The following ELMOD1 variants were observed in gnomAD, a reference collection of about 807,000 sequenced individuals.
ELMOD1 encodes ELMO domain containing 1.
A neutral mutation model predicts 46.7 loss-of-function variants in ELMOD1; 21 were observed. The observed-to-expected ratio is 0.45, with a 90% CI of 0.32 to 0.65. The LOEUF is 0.65. ELMOD1 is among the 30% of genes least tolerant of loss of function. ELMOD1 has a pLI of 0.04. For synonymous variants in ELMOD1, 122 were observed against 138.2 expected (o/e 0.88, Z 0.82); for missense variants, 348 against 407.8 (o/e 0.85, Z 1.26).
Position 107,665,142 on chromosome 11 carries a change from C to T in ELMOD1, c.950C>T (p.Pro317Leu), listed in dbSNP as rs1253988701. Residue 317 changes from proline to leucine, a missense_variant, in exon 12 of 12, where the codon CCA (proline) becomes CTA (leucine). Transcript: ENST00000265840. ...RKRIIKQLQNPDMALCPHFAA... is the reference protein window; with the variant it reads ...RKRIIKQLQNLDMALCPHFAA... ...AGGATCATCAAACAGCTGCAGAACCCAGACATGGCGCTGTGCCCACATTTT... is the reference window on the plus strand; with the variant it reads ...AGGATCATCAAACAGCTGCAGAACCTAGACATGGCGCTGTGCCCACATTTT... The T allele has an allele frequency of 1.9e-5, 30 of 1,613,962 alleles. No individual in the cohort carries two copies. The highest frequency in any genetic ancestry group is 2.5e-5 in the Non-Finnish European group (29 of 1,179,884).
At chr11:107,611,014 A>G (rs1053498178) in intron 1 of ELMOD1, among the ~76,000 whole-genome samples, 3 of 142,748 alleles carry the variant, frequency 2.1e-5, no homozygotes, top group Middle Eastern at 3.5e-3. Flanking sequence ...AAAAAAAAAA[A>G]AAAGAAAACC....
chr11:107,613,367 C>G (rs1031630132), intron 1 of ELMOD1, among the ~76,000 whole-genome samples: 1 of 152,186 alleles, frequency 6.6e-6, no homozygotes, highest in Non-Finnish European at 1.5e-5. Flanking sequence ...GGTCAAGCAA[C>G]TTGTCTAAAG....
chr11:107,634,410 T>C (rs898080384), intron 5 of ELMOD1, among the ~76,000 whole-genome samples: 1 of 152,074 alleles, frequency 6.6e-6, no homozygotes, highest in Non-Finnish European at 1.5e-5. Context: ...ATTCAAATAG[T>C]GTACATTCGG....
chr11:107,612,287 T>C (rs188110585), intron 1 of ELMOD1, among the ~76,000 whole-genome samples: 2 of 152,208 alleles, frequency 1.3e-5, no homozygotes, highest in African/African-American at 4.8e-5. Flanking sequence ...TTCTCACTTA[T>C]AGGTGGGAGC....
At chr11:107,654,522 C>G (rs1462238583) in intron 10 of ELMOD1, among the ~76,000 whole-genome samples, 1 of 152,174 alleles carries the variant, frequency 6.6e-6, no homozygotes, top group South Asian at 2.1e-4. Flanking sequence ...GTAATCCCAG[C>G]ACTTTGGGAG....
At chr11:107,633,430 T>C (rs1565381366) in intron 5 of ELMOD1, among the ~76,000 whole-genome samples, 2 of 152,178 alleles carry the variant, frequency 1.3e-5, no homozygotes, top group Non-Finnish European at 1.5e-5. Flanking sequence ...AATTTATTTA[T>C]TTATTTTAAT....
At chr11:107,659,773 C>A (rs2509193) in intron 11 of ELMOD1, among the ~76,000 whole-genome samples, 36,303 of 151,302 alleles carry the variant, frequency 0.24, 8,812 homozygotes, top group African/African-American at 0.62. Context: ...GGGAAATTTT[C>A]TCCTTAGGCC....
intron 1 of ELMOD1, among the ~76,000 whole-genome samples, chr11:107,595,614 A>G (rs547340858): frequency 1.3e-5 from 2 of 152,134 alleles, no homozygotes; most frequent in Non-Finnish European, 2.9e-5. Flanking sequence ...TTGTGTGCCC[A>G]ATTTACATTT....
At chr11:107,611,315 T>C (rs1237769491) in intron 1 of ELMOD1, among the ~76,000 whole-genome samples, 1 of 151,936 alleles carries the variant, frequency 6.6e-6, no homozygotes, top group East Asian at 1.9e-4. Flanking sequence ...TGGGAGAAAA[T>C]AGTCACAAAC....
intron 1 of ELMOD1, chr11:107,591,949 C>A: frequency 1.9e-6 from 1 of 518,582 alleles, no homozygotes; most frequent in Admixed American, 2.0e-5. Context: ...GCGCCTCCTC[C>A]AACTGCTGGG....
chr11:107,611,547 T>A (rs1183115163), intron 1 of ELMOD1, among the ~76,000 whole-genome samples: 2 of 151,428 alleles, frequency 1.3e-5, no homozygotes, highest in African/African-American at 4.9e-5. Context: ...AAAAATATTT[T>A]TTAAAAAATT....
At chr11:107,662,319 A>G (rs2135720154) in intron 11 of ELMOD1, among the ~76,000 whole-genome samples, 1 of 152,248 alleles carries the variant, frequency 6.6e-6, no homozygotes, top group Non-Finnish European at 1.5e-5. Context: ...TATTCTAAAA[A>G]GTTTTTTGTG....
chr11:107,628,373 G>T (rs1346532678), intron 2 of ELMOD1, among the ~76,000 whole-genome samples: 1 of 152,038 alleles, frequency 6.6e-6, no homozygotes, highest in African/African-American at 2.4e-5. Context: ...CACCATATTG[G>T]CTGGGATGGC....
chr11:107,603,683 C>A (rs1418388122), intron 1 of ELMOD1, among the ~76,000 whole-genome samples: 1 of 152,132 alleles, frequency 6.6e-6, no homozygotes, highest in Non-Finnish European at 1.5e-5. Flanking sequence ...TCGAGACCAG[C>A]CTGGCCAACA....
At chr11:107,644,194 G>A (rs2135702653) in intron 6 of ELMOD1, among the ~76,000 whole-genome samples, 1 of 152,014 alleles carries the variant, frequency 6.6e-6, no homozygotes, top group South Asian at 2.1e-4. Flanking sequence ...TACTTGGGAG[G>A]CTGAGGCACA....
At chr11:107,632,103 T>C (rs1431927025) in intron 5 of ELMOD1, among the ~76,000 whole-genome samples, 1 of 152,228 alleles carries the variant, frequency 6.6e-6, no homozygotes, top group African/African-American at 2.4e-5. Context: ...TCTTGGAGAC[T>C]GTTTCTACCT....
chr11:107,638,279 G>A (rs754916935), intron 6 of ELMOD1, among the ~76,000 whole-genome samples: 15 of 152,174 alleles, frequency 9.9e-5, no homozygotes, highest in East Asian at 5.8e-4. Context: ...TTTCAAGTAC[G>A]ATGATAAAAT....
intron 6 of ELMOD1, 140 bp from the exon 7 acceptor site, chr11:107,647,328 C>G (rs1034210575): frequency 5.1e-6 from 3 of 593,106 alleles, no homozygotes; most frequent in Non-Finnish European, 8.1e-6. Flanking sequence ...CTTTCATTGT[C>G]ATAGATGATC....
chr11:107,648,322 A>C (rs1309690139), intron 7 of ELMOD1, among the ~76,000 whole-genome samples: 1 of 152,166 alleles, frequency 6.6e-6, no homozygotes, highest in African/African-American at 2.4e-5. Context: ...GTTGTCCTGT[A>C]ATATGTCCCA....
Sources: gnomAD v4.1 joint callset for allele counts (sites outside exome capture counted in the v4.1 genomes callset) on GRCh38, gnomAD v4.1.1 for gene constraint, MANE v1.5 for transcripts, NCBI Gene and HGNC (gene_info 2026-07-23, HGNC 2026-07-21) for gene names.